The following APBB2 variants were observed in gnomAD, a reference collection of about 807,000 sequenced individuals.
APBB2 encodes Fe65-like 1.
A neutral mutation model predicts 82.5 loss-of-function variants in APBB2; 38 were observed. The ratio of observed to expected loss-of-function variants is 0.46; its 90% CI spans 0.36 to 0.60. The LOEUF is 0.60. Among genes scored for constraint, APBB2 ranks in the 20% least tolerant of loss-of-function variants. The pLI, the probability that APBB2 is intolerant of heterozygous loss-of-function variation, is 0.00. For synonymous variants in APBB2, 341 were observed against 368.2 expected (o/e 0.93, Z 0.85); for missense variants, 772 against 972.3 (o/e 0.79, Z 2.74).
At chr4:41,013,536 TAAA>T (rs75237991) in intron 6 of APBB2, 44 bp downstream of exon 6, 19 of 1,229,116 alleles carry the variant, frequency 1.5e-5, no homozygotes, top group African/African-American at 3.0e-5. Flanking sequence ...GTTGAAAAGA[TAAA>T]AAAAAAAAAG....
chr4:41,037,696 T>C (rs7680372), intron 4 of APBB2, among the ~76,000 whole-genome samples: 6,977 of 152,148 alleles, frequency 0.046, 331 homozygotes, highest in African/African-American at 0.12. Flanking sequence ...ACTGGCGAAG[T>C]CCTGATCTAG....
chr4:41,076,753 G>C (rs951283768), intron 3 of APBB2, among the ~76,000 whole-genome samples: 6 of 152,122 alleles, frequency 3.9e-5, no homozygotes, highest in Admixed American at 2.0e-4. Flanking sequence ...AGGAACTTCA[G>C]GAGGGAACAG....
intron 1 of APBB2, among the ~76,000 whole-genome samples, chr4:41,192,514 G>T (rs1774745288): frequency 6.6e-6 from 1 of 152,106 alleles, no homozygotes; most frequent in Non-Finnish European, 1.5e-5. Flanking sequence ...AAGATATTAT[G>T]CTAAGTGGTA....
chr4:40,853,682 C>T (rs565418052), intron 12 of APBB2, among the ~76,000 whole-genome samples: 1 of 151,834 alleles, frequency 6.6e-6, no homozygotes, highest in African/African-American at 2.4e-5. Context: ...GTTTTGAACT[C>T]CTAACCTCAG....
At chr4:41,063,626 T>C (rs1052590462) in intron 4 of APBB2, among the ~76,000 whole-genome samples, 3 of 152,176 alleles carry the variant, frequency 2.0e-5, no homozygotes, top group South Asian at 2.1e-4. Flanking sequence ...ACTGTCTGAC[T>C]TACTTTACAA....
chr4:40,820,819 C>T (rs1011294632), intron 17 of APBB2, among the ~76,000 whole-genome samples: 1 of 152,134 alleles, frequency 6.6e-6, no homozygotes, highest in African/African-American at 2.4e-5. Flanking sequence ...ACCCAACCTG[C>T]TGCTGCTGGA....
chr4:40,957,260 CCA>C (rs1433016035), intron 6 of APBB2, among the ~76,000 whole-genome samples: 1 of 152,128 alleles, frequency 6.6e-6, no homozygotes, highest in African/African-American at 2.4e-5. Flanking sequence ...ATGCCATCAA[CCA>C]CAGTGTATTT....
At chr4:41,151,901 T>C (rs1043237874) in intron 1 of APBB2, among the ~76,000 whole-genome samples, 1 of 152,092 alleles carries the variant, frequency 6.6e-6, no homozygotes, top group Non-Finnish European at 1.5e-5. Flanking sequence ...ATGTCATTCA[T>C]AAACTCTCTC....
At chr4:41,083,000 T>A (rs755574679) in intron 3 of APBB2, among the ~76,000 whole-genome samples, 3 of 151,700 alleles carry the variant, frequency 2.0e-5, no homozygotes, top group Non-Finnish European at 4.4e-5. Flanking sequence ...CCATCTCTAC[T>A]AAAAATACAA....
intron 1 of APBB2, among the ~76,000 whole-genome samples, chr4:41,154,288 C>CCTACCATTATACCCGCTT (rs1213067351): frequency 6.6e-5 from 10 of 152,186 alleles, no homozygotes; most frequent in Non-Finnish European, 1.2e-4. Context: ...CTGCCCAGCT[C>CCTACCATTATACCCGCTT]CTACCATTAT....
chr4:41,196,012 T>G, intron 1 of APBB2, among the ~76,000 whole-genome samples: 1 of 146,132 alleles, frequency 6.8e-6, no homozygotes, highest in Non-Finnish European at 1.5e-5. Context: ...TACAAAAAAT[T>G]AGCTGGGTGT....
rs142833415 is a variant in APBB2 at position 40,880,951 on chromosome 4, C to T, written c.1529+9413G>A. 1.2e-4 allele frequency: 122 copies of T among 980,338 alleles called. 3 individuals carry two copies. The highest frequency in any genetic ancestry group is 1.0e-3 in the Middle Eastern group (2 of 1,914). The allele number at this position is 980,338 out of a possible 1,614,324, so 60.7% of individuals were successfully genotyped here. On this transcript the variant is annotated intron_variant, in intron 12 of 17. Coordinates refer to ENST00000508593, the MANE Select transcript of APBB2 (RefSeq NM_004307.2). ...TGAACAGGGACAGGACCGCCATGAA[C>T]GATCTGTCTGAAAATGCCCTCCCAC...
At chr4:41,182,426 T>C (rs1157480007) in intron 1 of APBB2, among the ~76,000 whole-genome samples, 1 of 152,200 alleles carries the variant, frequency 6.6e-6, no homozygotes, top group East Asian at 1.9e-4. Flanking sequence ...CTTCTACAAA[T>C]TCATGATTTA....
At chr4:41,093,609 T>C (rs894666931) in intron 3 of APBB2, among the ~76,000 whole-genome samples, 2 of 152,106 alleles carry the variant, frequency 1.3e-5, no homozygotes, top group African/African-American at 2.4e-5. Flanking sequence ...ATCCCAGCAC[T>C]TTGGGAGGCC....
intron 12 of APBB2, among the ~76,000 whole-genome samples, chr4:40,872,945 G>A (rs1029921417): frequency 5.9e-5 from 9 of 151,974 alleles, no homozygotes; most frequent in African/African-American, 1.9e-4. Context: ...AAAATTAGCT[G>A]GGCGTGGTGT....
rs1754621237 is a variant in APBB2, at chr4:41,127,123, T to C, written c.-261+15864A>G. Reference sequence around the variant, plus strand: ...AAGATTAGCTACCTTTCTAATATAATGAAAGGATACTACATTCTACAATGT... The same window carrying C: ...AAGATTAGCTACCTTTCTAATATAACGAAAGGATACTACATTCTACAATGT... On this transcript the variant is annotated intron_variant, in intron 2 of 17. Coordinates refer to ENST00000508593, the MANE Select transcript of APBB2 (RefSeq NM_004307.2). The surrounding 1 kb of genome is among the most constrained non-coding windows in gnomAD (Gnocchi z 4.8). 6.6e-6 allele frequency among the ~76,000 whole-genome samples: 1 copy of C among 152,038 alleles called. No homozygotes were observed. The highest frequency in any genetic ancestry group is 1.5e-5 in the Non-Finnish European group (1 of 68,034).
chr4:40,916,174 C>T lies in APBB2; in HGVS notation c.1254+18282G>A, dbSNP rs1578408198. The stretch of plus-strand genomic sequence containing the variant: ...GTAAATTAGATATGATGAATTCCTA[C>T]GGGGAGGAATGTATGTGCACAGAGC... On this transcript the variant is annotated intron_variant, in intron 10 of 17. Coordinates refer to ENST00000508593, the MANE Select transcript of APBB2 (RefSeq NM_004307.2). Among the ~76,000 whole-genome samples, 6 of 152,084 alleles carry T rather than the reference C, an allele frequency of 3.9e-5. No individual in the cohort carries two copies. The South Asian group carries it at 8.3e-4, about 21-fold the overall frequency.
At chr4:40,872,667 G>A (rs80163038) in intron 12 of APBB2, among the ~76,000 whole-genome samples, 140 of 152,184 alleles carry the variant, frequency 9.2e-4, no homozygotes, top group African/African-American at 3.1e-3. Context: ...GGAATTCTAC[G>A]GCTTGACATC....
At chr4:41,179,224 T>C (rs920431253) in intron 1 of APBB2, among the ~76,000 whole-genome samples, 73 of 152,190 alleles carry the variant, frequency 4.8e-4, no homozygotes, top group African/African-American at 1.7e-3. Flanking sequence ...CTGAAGTTTC[T>C]CAAAGAGAAC....
Sources: allele counts gnomAD v4.1 joint callset (sites outside exome capture counted in the v4.1 genomes callset), GRCh38; gene constraint gnomAD v4.1.1; non-coding constraint Gnocchi (gnomAD v3.1); transcripts MANE v1.5; gene names NCBI Gene and HGNC (gene_info 2026-07-23, HGNC 2026-07-21).